The following MYO10 variants were observed in gnomAD, a reference collection of about 807,000 sequenced individuals.
MYO10 encodes myosin X.
A neutral mutation model predicts 257.3 loss-of-function variants in MYO10; 133 were observed. The observed-to-expected ratio is 0.52, with a 90% CI of 0.45 to 0.60. The LOEUF (loss-of-function observed/expected upper bound fraction) is 0.60, where lower values mean the gene tolerates loss of function less well. Among genes scored for constraint, MYO10 ranks in the 20% least tolerant of loss-of-function variants. The pLI, the probability that MYO10 is intolerant of heterozygous loss-of-function variation, is 0.00. For synonymous variants in MYO10, 1,104 were observed against 1,028.6 expected (o/e 1.07, Z -1.40); for missense variants, 2,399 against 2,635.7 (o/e 0.91, Z 1.97).
Position 16,762,779 on chromosome 5 carries a change from C to T in MYO10, c.1495-142G>A, listed in dbSNP as rs1740757107. ...AGGAGTTCCAGACCAGCCTGGCCAA[C>T]AGTGAAACCCTGTTTCTACTAAATA... On this transcript the variant is annotated intron_variant, in intron 14 of 40. Coordinates refer to ENST00000513610, the MANE Select transcript of MYO10 (RefSeq NM_012334.3). 3 of 587,102 alleles carry T rather than the reference C, an allele frequency of 5.1e-6. No individual in the cohort carries two copies. The South Asian group carries it at 6.0e-5, about 12-fold the overall frequency. 36.4% of individuals were successfully genotyped at this position (587,102 alleles called of 1,614,324 possible).
At chr5:16,707,377 G>T (rs1271302649) in intron 21 of MYO10, among the ~76,000 whole-genome samples, 1 of 152,174 alleles carries the variant, frequency 6.6e-6, no homozygotes, top group African/African-American at 2.4e-5. Context: ...TGGGAATGTG[G>T]CATCAAAGCA....
chr5:16,760,296 A>C (rs1349668663), intron 17 of MYO10, among the ~76,000 whole-genome samples: 3 of 62,962 alleles, frequency 4.8e-5, no homozygotes, highest in East Asian at 3.4e-4. Context: ...CTAAAGATAC[A>C]AAAAAAAAAA....
intron 26 of MYO10, among the ~76,000 whole-genome samples, chr5:16,695,934 G>A (rs62372306): frequency 0.01 from 1,566 of 152,294 alleles, 11 homozygotes; most frequent in Non-Finnish European, 0.016. Context: ...CTGCAGAGCC[G>A]TGTCCTAACA....
chr5:16,711,574 G>A (rs1477666043), intron 19 of MYO10, among the ~76,000 whole-genome samples: 1 of 152,154 alleles, frequency 6.6e-6, no homozygotes, highest in Non-Finnish European at 1.5e-5. Context: ...ACAAGGTCAG[G>A]AGTTTGAGAC....
chr5:16,767,454 A>G (rs1740907115), intron 10 of MYO10, among the ~76,000 whole-genome samples: 1 of 152,056 alleles, frequency 6.6e-6, no homozygotes, highest in Admixed American at 6.6e-5. Flanking sequence ...GATTACAGGT[A>G]GAAGCCACTG....
At chr5:16,819,389 A>G (rs145987652) in intron 2 of MYO10, among the ~76,000 whole-genome samples, 4 of 152,290 alleles carry the variant, frequency 2.6e-5, no homozygotes, top group Non-Finnish European at 5.9e-5. Context: ...ACCACATCAC[A>G]TTAAGCTCCA....
chr5:16,780,679 G>A (rs369044794), intron 7 of MYO10, 49 bp downstream of exon 7: 1 of 1,548,168 alleles, frequency 6.5e-7, no homozygotes, highest in Non-Finnish European at 8.8e-7. Flanking sequence ...AATAATTTCT[G>A]AAAATTGTTA....
At chr5:16,775,000 G>A (rs60968179) in intron 9 of MYO10, among the ~76,000 whole-genome samples, 3,488 of 152,204 alleles carry the variant, frequency 0.023, 130 homozygotes, top group African/African-American at 0.08. Flanking sequence ...TGCCAGGCAC[G>A]CTGTAAACAT....
chr5:16,742,153 G>C (rs944763459), intron 19 of MYO10: 1 of 984,854 alleles, frequency 1.0e-6, no homozygotes, highest in East Asian at 1.1e-4. Flanking sequence ...TTTAAAAAAA[G>C]TCCCAGGACA....
chr5:16,734,642 T>G (rs1203510809), intron 19 of MYO10, among the ~76,000 whole-genome samples: 1 of 151,966 alleles, frequency 6.6e-6, no homozygotes, highest in Non-Finnish European at 1.5e-5. Flanking sequence ...CCGTCTCTAC[T>G]AAAAATACAA....
intron 18 of MYO10, among the ~76,000 whole-genome samples, chr5:16,755,342 T>C (rs544763912): frequency 6.6e-6 from 1 of 152,268 alleles, no homozygotes; most frequent in South Asian, 2.1e-4. Context: ...ATTTTTTGTA[T>C]TTTTAGTGGA....
intron 18 of MYO10, among the ~76,000 whole-genome samples, chr5:16,756,143 G>C (rs1391958193): frequency 1.3e-5 from 2 of 152,146 alleles, no homozygotes; most frequent in African/African-American, 4.8e-5. Context: ...TGTGATCACA[G>C]CTCACGGCAG....
chr5:16,800,370 C>T (rs571664717), intron 3 of MYO10, among the ~76,000 whole-genome samples: 3 of 152,182 alleles, frequency 2.0e-5, no homozygotes, highest in East Asian at 3.9e-4. Context: ...CCAGCCTGGG[C>T]AATATAGGAA....
chr5:16,743,837 C>T (rs990857156), intron 19 of MYO10, among the ~76,000 whole-genome samples: 1 of 152,078 alleles, frequency 6.6e-6, no homozygotes, highest in Non-Finnish European at 1.5e-5. Flanking sequence ...ACAGTGGACT[C>T]CTAATATCAA....
intron 2 of MYO10, among the ~76,000 whole-genome samples, chr5:16,849,950 C>T (rs1007106262): frequency 1.3e-5 from 2 of 152,174 alleles, no homozygotes; most frequent in African/African-American, 4.8e-5. Context: ...AATGAAAGCA[C>T]AAAAGCCCAG....
At chr5:16,687,344 A>G (rs1019723500) in intron 28 of MYO10, among the ~76,000 whole-genome samples, 3 of 151,438 alleles carry the variant, frequency 2.0e-5, no homozygotes, top group African/African-American at 7.3e-5. Flanking sequence ...ATACAAAACG[A>G]AACAAAACAT....
At chr5:16,689,169 T>C (rs902773475) in intron 28 of MYO10, among the ~76,000 whole-genome samples, 5 of 152,234 alleles carry the variant, frequency 3.3e-5, no homozygotes, top group Non-Finnish European at 5.9e-5. Context: ...GTATGGATGA[T>C]GGTAATAATT....
chr5:16,671,520 C>G lies in MYO10; in HGVS notation c.5332G>C (p.Gly1778Arg), dbSNP rs780119464. Residue 1778 changes from glycine (G) to arginine (R), a missense_variant, in exon 38 of 41, where the codon GGG becomes CGG. Coordinates refer to ENST00000513610, the MANE Select transcript of MYO10 (RefSeq NM_012334.3). Reference protein sequence around the residue: ...FEKLAATSEVGDLPWKFYFKL... With the variant: ...FEKLAATSEVRDLPWKFYFKL... ...AAGTAGAATTTCCATGGCAGGTCCC[C>G]AACCTCGGATGTGGCAGCCAGCCTA... The G allele has an allele frequency of 2.5e-6, 4 of 1,613,974 alleles. No individual in the cohort carries two copies. Among genetic ancestry groups the G allele is most frequent in the Non-Finnish European group, 3.4e-6 (4 of 1,179,868 alleles).
chr5:16,781,467 C>A (rs1470361240), intron 6 of MYO10, among the ~76,000 whole-genome samples: 2 of 152,082 alleles, frequency 1.3e-5, no homozygotes, highest in Admixed American at 6.6e-5. Flanking sequence ...CTCTTGAGCT[C>A]AAGCAATCCT....
Sources: allele counts gnomAD v4.1 joint callset (sites outside exome capture counted in the v4.1 genomes callset), GRCh38; gene constraint gnomAD v4.1.1; transcripts MANE v1.5; gene names NCBI Gene and HGNC (gene_info 2026-07-23, HGNC 2026-07-21).